RYR1: variants seen among roughly 807,000 people sequenced by gnomAD.
RYR1 encodes the protein central core disease of muscle.
In RYR1, 342 loss-of-function variants were observed where a neutral mutation model predicts 583.5. That is an observed-to-expected ratio of 0.59 (90% CI 0.54 to 0.64). The LOEUF (loss-of-function observed/expected upper bound fraction) is 0.64. RYR1 is among the 30% of genes least tolerant of loss of function. The probability of loss-of-function intolerance (pLI) is 0.00; values close to 1 mark genes in which losing one functional copy is unlikely to be tolerated. For synonymous variants in RYR1, 2,791 were observed against 2,822.5 expected, an observed-to-expected ratio of 0.99 and a Z score of 0.35; for missense variants, 6,032 against 6,917.2, an observed-to-expected ratio of 0.87 and a Z score of 4.54.
In RYR1 at chr19:38,543,544, G is replaced by T; in HGVS notation, c.11791G>T (p.Asp3931Tyr). 6.2e-7 allele frequency: 1 copy of T among 1,613,838 alleles called. No homozygotes were observed. Among genetic ancestry groups the T allele is most frequent in the Non-Finnish European group, 8.5e-7 (1 of 1,179,906 alleles). ...YLLRLQESIS[D>Y]FYWYYSGKDV... ...CCGCCCCCACCAGGAATCCATCAGC[G>T]ACTTCTACTGGTACTACTCGGGCAA... The change falls in exon 86 of 106, where the codon GAC (aspartate) becomes TAC (tyrosine). Residue 3931 changes from aspartate to tyrosine, a missense_variant. Asp to Tyr is a radical substitution (Grantham distance 160). Coordinates refer to ENST00000359596, the MANE Select transcript of RYR1 (RefSeq NM_000540.3). This position sits in a 1 kb window ranked among gnomAD's most constrained non-coding sequence, Gnocchi z 4.4.
chr19:38,502,798 C>CAGGGGGAGGGGCAGGGGGAGGGGG, intron 48 of RYR1, 71 bp downstream of exon 48: 7 of 766,426 alleles, frequency 9.1e-6, no homozygotes, highest in Non-Finnish European at 1.2e-5. Flanking sequence ...GGGGCAGGGG[C>CAGGGGGAGGGGCAGGGGGAGGGGG]AGGGGCAGGG....
At chr19:38,492,399 T>A in intron 37 of RYR1, 91 bp from the exon 38 acceptor site, 4 of 1,342,586 alleles carry the variant, frequency 3.0e-6, no homozygotes, top group Non-Finnish European at 4.2e-6. Flanking sequence ...ACTCCATGCA[T>A]GCATGCACAT....
chr19:38,463,434 G>A lies in RYR1; in HGVS notation c.2589G>A (p.Pro863=), dbSNP rs533971791. 16 of 1,613,866 alleles carry A rather than the reference G, an allele frequency of 9.9e-6. No homozygotes were observed. The highest frequency in any genetic ancestry group is 4.4e-5 in the South Asian group (4 of 91,070). Residue 863 remains proline, a synonymous_variant, in exon 21 of 106, where the codon CCG becomes CCA. Coordinates refer to ENST00000359596, the MANE Select transcript of RYR1 (RefSeq NM_000540.3). ...CPVDTVQIVL[P]PHLERIREKL... is the part of the protein sequence containing the mutation. ...CCCTCTGCCTCTAGATTGTCCTGCC[G>A]CCCCATCTGGAGCGCATTCGGGAGA...
chr19:38,522,899 A>T, intron 67 of RYR1, 129 bp from the exon 68 acceptor site: 1 of 759,434 alleles, frequency 1.3e-6, no homozygotes, highest in South Asian at 1.6e-5. Flanking sequence ...TGGCCAGATG[A>T]CCCTAGAAAC....
At chr19:38,503,788 A>T (rs1277453497) in intron 49 of RYR1, among the ~76,000 whole-genome samples, 1 of 151,656 alleles carries the variant, frequency 6.6e-6, no homozygotes, top group African/African-American at 2.4e-5. Flanking sequence ...AAAAAAAAAA[A>T]TTTGCATTTT....
intron 89 of RYR1, among the ~76,000 whole-genome samples, chr19:38,558,217 G>A (rs979388936): frequency 4.6e-5 from 7 of 151,930 alleles, no homozygotes; most frequent in Non-Finnish European, 8.8e-5. Flanking sequence ...AGGCTAAGAC[G>A]GGAGGATCAC....
Position 38,543,565 on chromosome 19 carries a change from G to C in RYR1, c.11812G>C (p.Gly3938Arg), listed in dbSNP as rs1478501182. The change falls in exon 86 of 106, where the codon GGC (glycine) becomes CGC (arginine). Residue 3938 changes from glycine to arginine, a missense_variant. Around this residue, in one of 11 missense-constraint regions of RYR1, gnomAD observed 1,493 missense variants for 1,715.5 expected, o/e 0.87. Transcript: ENST00000359596. The surrounding 1 kb of genome is among the most constrained non-coding windows in gnomAD (Gnocchi z 4.4). ...SISDFYWYYSGKDVIEEQGKR... is the reference protein window; with the variant it reads ...SISDFYWYYSRKDVIEEQGKR... Reference sequence around the variant, plus strand: ...CAGCGACTTCTACTGGTACTACTCGGGCAAGGATGTCATTGAAGAGCAGGG... The same window carrying C: ...CAGCGACTTCTACTGGTACTACTCGCGCAAGGATGTCATTGAAGAGCAGGG... 12 of 1,614,078 alleles carry C rather than the reference G, an allele frequency of 7.4e-6. No individual in the cohort carries two copies. The highest frequency in any genetic ancestry group is 1.0e-5 in the Non-Finnish European group (12 of 1,180,034).
At chr19:38,504,689 C>A in intron 50 of RYR1, 59 bp from the exon 51 acceptor site, 1 of 1,603,486 alleles carries the variant, frequency 6.2e-7, no homozygotes. Flanking sequence ...AGTTTGAGGT[C>A]CTGGGGGTCA....
chr19:38,519,470 C>T lies in RYR1; in HGVS notation c.10259+16C>T. On this transcript the variant is annotated intron_variant, in intron 67 of 105. Transcript: ENST00000359596. ...ACAACAACAGGTCAGCGGGGCCCCG[C>T]TGTCCCCATGCCCTCCGCCCCGACC... 6.3e-7 allele frequency: 1 copy of T among 1,583,058 alleles called. No individual in the cohort carries two copies. Among genetic ancestry groups the T allele is most frequent in the Admixed American group, 1.8e-5 (1 of 56,366 alleles).
intron 2 of RYR1, among the ~76,000 whole-genome samples, chr19:38,441,676 C>T (rs1465032310): frequency 7.4e-6 from 1 of 135,504 alleles, no homozygotes; most frequent in African/African-American, 2.8e-5. Flanking sequence ...AGCCTGGGGT[C>T]TGAAAGGAGG....
rs1156827617 is a variant in RYR1, at chr19:38,543,018, T to A, written c.11690-329T>A. Among the ~76,000 whole-genome samples, 1 of 151,108 alleles carries A rather than the reference T, an allele frequency of 6.6e-6. No individual in the cohort carries two copies. The highest frequency in any genetic ancestry group is 1.5e-5 in the Non-Finnish European group (1 of 67,864). On this transcript the variant is annotated intron_variant, in intron 84 of 105. Coordinates refer to ENST00000359596, the MANE Select transcript of RYR1 (RefSeq NM_000540.3). The surrounding 1 kb of genome is among the most constrained non-coding windows in gnomAD (Gnocchi z 4.4). ...CACCACACCCAGCTAATTTTTGTATTTTTAGTAGAGACGGGGTTTCACCAT... is the reference window on the plus strand; with the variant it reads ...CACCACACCCAGCTAATTTTTGTATATTTAGTAGAGACGGGGTTTCACCAT...
intron 13 of RYR1, among the ~76,000 whole-genome samples, chr19:38,453,893 C>G (rs1967225083): frequency 1.3e-5 from 2 of 152,030 alleles, no homozygotes; most frequent in Admixed American, 1.3e-4. Context: ...TTGGGAGCCA[C>G]AGGAGGTTTT....
At chr19:38,573,031 TG>T in intron 95 of RYR1, 145 bp from the exon 96 acceptor site, 2 of 1,295,330 alleles carry the variant, frequency 1.5e-6, no homozygotes, top group African/African-American at 1.5e-5. Context: ...GCCCTCTGCC[TG>T]GGCCTCATTT....
At chr19:38,479,523 T>C (rs1052413626) in intron 31 of RYR1, among the ~76,000 whole-genome samples, 2 of 151,948 alleles carry the variant, frequency 1.3e-5, no homozygotes, top group African/African-American at 4.8e-5. Flanking sequence ...TCCTTCTGTC[T>C]CAGCTTCCTA....
chr19:38,456,226 C>T (rs1967378615), intron 16 of RYR1, among the ~76,000 whole-genome samples: 1 of 149,316 alleles, frequency 6.7e-6, no homozygotes, highest in Admixed American at 6.7e-5. Flanking sequence ...CCGTCCACCT[C>T]AGCCTCCCAA....
rs767925886 is a variant in RYR1 at position 38,506,311 on chromosome 19, T to C, written c.8550T>C (p.Asp2850=). The change falls in exon 55 of 106, where the codon GAT becomes GAC. Residue 2850 remains aspartate, a synonymous_variant. Transcript: ENST00000359596. ...RKISQSAQTY[D]PREGYNPQPP... is the part of the protein sequence containing the mutation. Reference sequence around the variant, plus strand: ...TCCCCTTGTCCTCTCAGACCTATGATCCTCGAGAAGGCTACAACCCTCAGC... The same window carrying C: ...TCCCCTTGTCCTCTCAGACCTATGACCCTCGAGAAGGCTACAACCCTCAGC... The C allele has an allele frequency of 1.2e-6, 2 of 1,613,746 alleles. No individual in the cohort carries two copies. The highest frequency in any genetic ancestry group is 1.7e-6 in the Non-Finnish European group (2 of 1,179,974).
chr19:38,506,341 C>A lies in RYR1; in HGVS notation c.8580C>A (p.Pro2860=), dbSNP rs749495512. 1 of 1,613,768 alleles carries A rather than the reference C, an allele frequency of 6.2e-7. No individual in the cohort carries two copies. The highest frequency in any genetic ancestry group is 8.5e-7 in the Non-Finnish European group (1 of 1,179,854). The change falls in exon 55 of 106, where the codon CCC becomes CCA. Residue 2860 remains proline (P), a synonymous_variant. Coordinates refer to ENST00000359596, the MANE Select transcript of RYR1 (RefSeq NM_000540.3). The part of the protein sequence containing the change: ...DPREGYNPQP[P]DLSAVTLSRE... The stretch of plus-strand genomic sequence containing the variant: ...GAGAAGGCTACAACCCTCAGCCCCC[C>A]GACCTTAGTGCTGTTACCCTGTCCC...
intron 36 of RYR1, 67 bp downstream of exon 36, chr19:38,490,343 G>C: frequency 6.9e-7 from 1 of 1,450,338 alleles, no homozygotes; most frequent in South Asian, 1.2e-5. Context: ...TCCTGACTCT[G>C]ATCACTGAGG....
intron 65 of RYR1, among the ~76,000 whole-genome samples, chr19:38,516,678 G>A (rs762480873): frequency 2.6e-5 from 4 of 152,048 alleles, no homozygotes; most frequent in Admixed American, 6.6e-5. Context: ...TAGGGTGAGG[G>A]GTATTTGAGC....
Sources: gnomAD v4.1 joint callset for allele counts (sites outside exome capture counted in the v4.1 genomes callset) on GRCh38, gnomAD v4.1.1 for gene constraint, gnomAD v4.1.1 regional missense constraint, Gnocchi (gnomAD v3.1) non-coding constraint, MANE v1.5 for transcripts, NCBI Gene and HGNC (gene_info 2026-07-23, HGNC 2026-07-21) for gene names.